Variants in ATP8A2 observed in about 807,000 individuals in gnomAD.
The protein encoded by ATP8A2 is ATPase phospholipid transporting 8A2.
In ATP8A2, 100 loss-of-function variants were observed where a neutral mutation model predicts 165.6. The ratio of observed to expected loss-of-function variants is 0.60; its 90% CI spans 0.51 to 0.71. ATP8A2 has a LOEUF of 0.71. Ranked by LOEUF, ATP8A2 falls within the 30% of genes least tolerant of loss-of-function variation. The pLI, the probability that ATP8A2 is intolerant of heterozygous loss-of-function variation, is 0.00. For synonymous variants in ATP8A2, 543 were observed against 548.8 expected, an observed-to-expected ratio of 0.99 and a Z score of 0.15; for missense variants, 1,227 against 1,479.5, an observed-to-expected ratio of 0.83 and a Z score of 2.80.
chr13:25,978,720 T>C (rs1412029683), intron 35 of ATP8A2, among the ~76,000 whole-genome samples: 2 of 152,076 alleles, frequency 1.3e-5, no homozygotes, highest in Non-Finnish European at 2.9e-5. Flanking sequence ...GGCGGGCGGA[T>C]CACGAGGTCA....
At chr13:25,451,336 C>T (rs1006970666) in intron 1 of ATP8A2, among the ~76,000 whole-genome samples, 22 of 151,994 alleles carry the variant, frequency 1.4e-4, no homozygotes, top group Non-Finnish European at 3.1e-4. Context: ...TGTGCTTTGG[C>T]TCAGAAATCA....
intron 24 of ATP8A2, among the ~76,000 whole-genome samples, chr13:25,678,922 G>A (rs1219390273): frequency 6.6e-6 from 1 of 152,186 alleles, no homozygotes; most frequent in Admixed American, 6.5e-5. Flanking sequence ...TTATTTATAA[G>A]TTGGGTTTCA....
intron 24 of ATP8A2, among the ~76,000 whole-genome samples, chr13:25,639,512 T>C (rs1396902480): frequency 6.6e-6 from 1 of 152,142 alleles, no homozygotes; most frequent in Non-Finnish European, 1.5e-5. Flanking sequence ...AAGAAGGCCA[T>C]TGCATAATGG....
chr13:25,908,388 A>G (rs1954008926), intron 33 of ATP8A2, among the ~76,000 whole-genome samples: 1 of 152,246 alleles, frequency 6.6e-6, no homozygotes, highest in African/African-American at 2.4e-5. Flanking sequence ...AGAATTTCCT[A>G]ATTAGTCAGT....
At chr13:25,636,335 T>C (rs2041367645) in intron 24 of ATP8A2, among the ~76,000 whole-genome samples, 1 of 152,196 alleles carries the variant, frequency 6.6e-6, no homozygotes, top group Non-Finnish European at 1.5e-5. Context: ...TTTTATAATG[T>C]ACAAAATCCT....
chr13:25,859,607 CCTT>C (rs1190583636), intron 30 of ATP8A2, among the ~76,000 whole-genome samples: 2 of 151,892 alleles, frequency 1.3e-5, no homozygotes, highest in Non-Finnish European at 2.9e-5. Flanking sequence ...GGCTTAAAAT[CCTT>C]CTTCTATTTT....
chr13:25,860,328 A>C, intron 31 of ATP8A2, 72 bp downstream of exon 31: 1 of 828,874 alleles, frequency 1.2e-6, no homozygotes. Context: ...TAAACCCTTA[A>C]AAAGGGCCTT....
chr13:25,541,915 T>C lies in ATP8A2; in HGVS notation c.652-4T>C, dbSNP rs774115079. On this transcript the variant is annotated splice_polypyrimidine_tract_variant and splice_region_variant and intron_variant, in intron 8 of 36. Coordinates refer to ENST00000381655, the MANE Select transcript of ATP8A2 (RefSeq NM_016529.6). ...TGACTTCCTCTTTTGGTTTAATCTT[T>C]TAGGGTTTGAGTCACACTGCTGACA... The C allele has an allele frequency of 1.4e-5, 23 of 1,613,956 alleles. No individual in the cohort carries two copies. The highest frequency in any genetic ancestry group is 1.7e-5 in the Non-Finnish European group (20 of 1,179,954).
At chr13:25,518,187 G>A (rs2037540404) in intron 2 of ATP8A2, among the ~76,000 whole-genome samples, 1 of 152,220 alleles carries the variant, frequency 6.6e-6, no homozygotes, top group African/African-American at 2.4e-5. Context: ...ACTGCTTAAT[G>A]TTTAGTGTTA....
At chr13:25,990,724 T>A (rs1008934701) in intron 35 of ATP8A2, among the ~76,000 whole-genome samples, 1 of 152,234 alleles carries the variant, frequency 6.6e-6, no homozygotes, top group Non-Finnish European at 1.5e-5. Context: ...TAAAGCTGCA[T>A]CTTTGTGATT....
intron 27 of ATP8A2, among the ~76,000 whole-genome samples, chr13:25,790,840 G>GAC (rs1277846764): frequency 6.6e-6 from 1 of 152,066 alleles, no homozygotes; most frequent in African/African-American, 2.4e-5. Context: ...AATACCATCT[G>GAC]ACACCAGTCA....
chr13:25,533,702 G>A (rs549480183), intron 6 of ATP8A2, among the ~76,000 whole-genome samples: 5 of 152,218 alleles, frequency 3.3e-5, no homozygotes, highest in African/African-American at 9.6e-5. Context: ...GTGGAAAGGG[G>A]GCAAGAAACC....
intron 33 of ATP8A2, among the ~76,000 whole-genome samples, chr13:25,956,987 C>G (rs1955539308): frequency 6.6e-6 from 1 of 152,176 alleles, no homozygotes; most frequent in African/African-American, 2.4e-5. Context: ...ACTGTCTGGT[C>G]TTTGACAAAC....
chr13:25,879,061 G>A (rs1952899320), intron 33 of ATP8A2, among the ~76,000 whole-genome samples: 2 of 152,248 alleles, frequency 1.3e-5, no homozygotes, highest in South Asian at 4.1e-4. Flanking sequence ...TATGGGGCAT[G>A]TGGACGGGGC....
At chr13:25,450,151 A>G (rs1311466084) in intron 1 of ATP8A2, among the ~76,000 whole-genome samples, 1 of 152,242 alleles carries the variant, frequency 6.6e-6, no homozygotes, top group Non-Finnish European at 1.5e-5. Context: ...TGCAAAAGAC[A>G]TGATCTAATT....
chr13:25,630,595 A>G (rs1286478321), intron 24 of ATP8A2, among the ~76,000 whole-genome samples: 1 of 152,210 alleles, frequency 6.6e-6, no homozygotes, highest in Non-Finnish European at 1.5e-5. Context: ...GCTGATGCTC[A>G]TGTACTCCTA....
chr13:25,658,899 A>G (rs976784730), intron 24 of ATP8A2, among the ~76,000 whole-genome samples: 5 of 152,156 alleles, frequency 3.3e-5, no homozygotes. Flanking sequence ...TCAACCTGGT[A>G]CTACTGTAGT....
At chr13:25,761,900 T>C (rs1253948228) in intron 25 of ATP8A2, among the ~76,000 whole-genome samples, 2 of 151,660 alleles carry the variant, frequency 1.3e-5, no homozygotes, top group Non-Finnish European at 2.9e-5. Context: ...AAACTAAGCT[T>C]AGGTGTTAGC....
At chr13:25,446,676 T>C (rs192099103) in intron 1 of ATP8A2, among the ~76,000 whole-genome samples, 2 of 152,328 alleles carry the variant, frequency 1.3e-5, no homozygotes, top group Non-Finnish European at 2.9e-5. Context: ...GAATGAAATA[T>C]TTATTGTGAG....
Sources: allele counts gnomAD v4.1 joint callset (sites outside exome capture counted in the v4.1 genomes callset), GRCh38; gene constraint gnomAD v4.1.1; transcripts MANE v1.5; gene names NCBI Gene and HGNC (gene_info 2026-07-23, HGNC 2026-07-21).